PRRC2C: variants seen among roughly 807,000 people sequenced by gnomAD.
PRRC2C encodes the protein proline rich coiled-coil 2C, also known as protein PRRC2C.
A neutral mutation model predicts 317.2 loss-of-function variants in PRRC2C; 72 were observed. The ratio of observed to expected loss-of-function variants is 0.23; its 90% CI spans 0.19 to 0.28. PRRC2C has a LOEUF of 0.28. Ranked by LOEUF, PRRC2C falls within the 10% of genes least tolerant of loss-of-function variation. The pLI is 1.00. For synonymous variants in PRRC2C, 1,296 were observed against 1,205.9 expected (o/e 1.07, Z -1.55); for missense variants, 3,074 against 3,459.7 (o/e 0.89, Z 2.80).
At chr1:171,579,110 G>T (rs532570589) in intron 26 of PRRC2C, among the ~76,000 whole-genome samples, 1 of 152,214 alleles carries the variant, frequency 6.6e-6, no homozygotes, top group South Asian at 2.1e-4. Context: ...ATACCCCATT[G>T]GCGGTATATA....
Position 171,532,481 on chromosome 1 carries a change from C to T in PRRC2C, c.1393C>T (p.Arg465Cys). Reference protein sequence around the residue: ...SEISAAVERARKRREEEERRM... With the variant: ...SEISAAVERACKRREEEERRM... ...AATTTCTGCAGCAGTAGAACGTGCT[C>T]GTAAACGGCGTGAAGAGGAAGAGCG... The change falls in exon 12 of 35, where the codon CGT becomes TGT. Residue 465 changes from arginine (R) to cysteine (C), a missense_variant. Physicochemically the swap from Arg to Cys is radical, Grantham distance 180 (BLOSUM62 -3). Transcript: ENST00000647382. 2 of 1,612,600 alleles carry T rather than the reference C, an allele frequency of 1.2e-6. No homozygotes were observed. The highest frequency in any genetic ancestry group is 1.1e-5 in the South Asian group (1 of 90,752).
chr1:171,511,863 C>T, intron 1 of PRRC2C, 169 bp from the exon 2 acceptor site: 2 of 372,398 alleles, frequency 5.4e-6, no homozygotes, highest in South Asian at 6.4e-5. Flanking sequence ...TTCACAAGTG[C>T]ATGATAGCTT....
At position 171,540,233 on chromosome 1, in the gene PRRC2C, C is replaced by T. The variant is rs758574187; in HGVS notation, c.2767C>T (p.Arg923Trp). ...RISAVESQPS[R>W]KRSVSHGSNH... ...TTCAGCTGTAGAAAGTCAGCCTTCC[C>T]GGAAAAGAAGTGTTTCCCATGGATC... Residue 923 changes from arginine (R) to tryptophan (W), a missense_variant, in exon 16 of 35, where the codon CGG (arginine) becomes TGG (tryptophan). This residue lies in a region of PRRC2C where 1,320 missense variants were observed against 1,395.7 expected (regional missense o/e 0.95). Transcript: ENST00000647382. 7.4e-5 allele frequency: 119 copies of T among 1,613,690 alleles called. No individual in the cohort carries two copies. Among genetic ancestry groups the T allele is most frequent in the Non-Finnish European group, 9.2e-5 (108 of 1,179,872 alleles).
intron 12 of PRRC2C, among the ~76,000 whole-genome samples, chr1:171,533,621 G>A (rs1676267710): frequency 6.6e-6 from 1 of 152,042 alleles, no homozygotes; most frequent in Non-Finnish European, 1.5e-5. Context: ...TTGTTGTGGT[G>A]GTGGTGGTTG....
chr1:171,531,675 T>C (rs1675919439), intron 11 of PRRC2C, among the ~76,000 whole-genome samples: 7 of 152,342 alleles, frequency 4.6e-5, no homozygotes, highest in South Asian at 2.1e-4. Context: ...GTCATTGTTT[T>C]ATAACACATT....
At position 171,542,121 on chromosome 1, in the gene PRRC2C, A is replaced by C; in HGVS notation, c.4655A>C (p.Asp1552Ala). 6.2e-7 allele frequency: 1 copy of C among 1,613,536 alleles called. No homozygotes were observed. The highest frequency in any genetic ancestry group is 8.5e-7 in the Non-Finnish European group (1 of 1,179,672). ...KRSFSSQRPVDRQNRRGNNGP... is the reference protein window; with the variant it reads ...KRSFSSQRPVARQNRRGNNGP... ...AGTTTTTCTAGTCAGAGACCAGTAG[A>C]TCGTCAGAATCGACGTGGCAACAAT... Residue 1552 changes from aspartate to alanine, a missense_variant, in exon 16 of 35, where the codon GAT (aspartate) becomes GCT (alanine). Transcript: ENST00000647382.
intron 5 of PRRC2C, among the ~76,000 whole-genome samples, chr1:171,516,905 C>T (rs1672482954): frequency 6.6e-6 from 1 of 152,210 alleles, no homozygotes; most frequent in African/African-American, 2.4e-5. Context: ...CAGAAGCCCA[C>T]AGTCTTTAAT....
intron 34 of PRRC2C, 22 bp downstream of exon 34, chr1:171,589,627 A>C (rs1319178843): frequency 7.9e-7 from 1 of 1,272,354 alleles, no homozygotes; most frequent in South Asian, 1.2e-5. Flanking sequence ...GTTAACAGCC[A>C]ACAGATCAAG....
In PRRC2C at chr1:171,566,834, T is replaced by C. The variant is rs944916649; in HGVS notation, c.6549T>C (p.Thr2183=). The C allele has an allele frequency of 3.7e-6, 6 of 1,611,420 alleles. No individual in the cohort carries two copies. In the African/African-American group the frequency reaches 8.0e-5, roughly 22 times the overall value. The stretch of plus-strand genomic sequence containing the variant: ...CGGTATCATCTGCAGAATATGGTAC[T>C]AATGCAAAGGTAAGCCACATGTAGG... The part of the protein sequence containing the change: ...MISVSSAEYG[T]NAKESVTDYT... Residue 2183 remains threonine, a synonymous_variant, in exon 22 of 35, where the codon ACT becomes ACC. Transcript: ENST00000647382.
chr1:171,547,633 CTT>C (rs35480518), intron 17 of PRRC2C, among the ~76,000 whole-genome samples: 8 of 129,832 alleles, frequency 6.2e-5, no homozygotes, highest in Middle Eastern at 4.5e-3. Flanking sequence ...AGTTTCCCTT[CTT>C]TTTTTTTTTT....
At chr1:171,539,511 A>C (rs1030627697) in intron 15 of PRRC2C, among the ~76,000 whole-genome samples, 2 of 151,956 alleles carry the variant, frequency 1.3e-5, no homozygotes, top group African/African-American at 4.8e-5. Flanking sequence ...ACCTTTACCT[A>C]TATTTCCTAT....
chr1:171,502,793 G>T (rs962324267), intron 1 of PRRC2C, among the ~76,000 whole-genome samples: 4 of 152,140 alleles, frequency 2.6e-5, no homozygotes, highest in Non-Finnish European at 5.9e-5. Context: ...GCTCGATCTT[G>T]GCTCACTGCA....
At chr1:171,542,273 G>T in intron 16 of PRRC2C, 44 bp downstream of exon 16, 3 of 1,415,926 alleles carry the variant, frequency 2.1e-6, no homozygotes, top group Non-Finnish European at 2.8e-6. Context: ...CACCTTTAAA[G>T]AAGCTAAAAG....
At chr1:171,584,784 A>G (rs1649477547) in intron 30 of PRRC2C, among the ~76,000 whole-genome samples, 1 of 151,862 alleles carries the variant, frequency 6.6e-6, no homozygotes, top group Admixed American at 6.6e-5. Flanking sequence ...TTGTTGGTTT[A>G]GGGGGTTTTG....
chr1:171,491,513 C>A (rs1443865896), intron 1 of PRRC2C, among the ~76,000 whole-genome samples: 1 of 152,052 alleles, frequency 6.6e-6, no homozygotes, highest in East Asian at 1.9e-4. Context: ...ACATAAAGGC[C>A]CTATGGAGAG....
chr1:171,585,726 C>G (rs951695066), intron 30 of PRRC2C, among the ~76,000 whole-genome samples: 1 of 152,140 alleles, frequency 6.6e-6, no homozygotes, highest in African/African-American at 2.4e-5. Flanking sequence ...CTAATTCTTT[C>G]AGTTTCTATT....
chr1:171,563,051 A>G (rs927983062), intron 20 of PRRC2C, among the ~76,000 whole-genome samples: 7 of 152,186 alleles, frequency 4.6e-5, no homozygotes, highest in Non-Finnish European at 8.8e-5. Context: ...TAGGTGTTCA[A>G]TTGATAGAGT....
Position 171,542,130 on chromosome 1 carries a change from A to G in PRRC2C, c.4664A>G (p.Asn1555Ser). 1.2e-6 allele frequency: 2 copies of G among 1,613,256 alleles called. No individual in the cohort carries two copies. Among genetic ancestry groups the G allele is most frequent in the Non-Finnish European group, 1.7e-6 (2 of 1,179,546 alleles). ...AGTCAGAGACCAGTAGATCGTCAGAATCGACGTGGCAACAATGGTCCACCC... is the reference window on the plus strand; with the variant it reads ...AGTCAGAGACCAGTAGATCGTCAGAGTCGACGTGGCAACAATGGTCCACCC... ...FSSQRPVDRQ[N>S]RRGNNGPPKS... Residue 1555 changes from asparagine (N) to serine (S), a missense_variant, in exon 16 of 35, where the codon AAT becomes AGT. By Grantham distance (46) the Asn-to-Ser change is conservative (BLOSUM62 1). Around this residue, in one of 11 missense-constraint regions of PRRC2C, gnomAD observed 178 missense variants for 163.0 expected, o/e 1.09. Coordinates refer to ENST00000647382, the MANE Select transcript of PRRC2C (RefSeq NM_001387844.1).
intron 1 of PRRC2C, among the ~76,000 whole-genome samples, chr1:171,493,515 G>T (rs1667561457): frequency 6.6e-6 from 1 of 152,102 alleles, no homozygotes; most frequent in Non-Finnish European, 1.5e-5. Flanking sequence ...AATAAAGGTT[G>T]ACTAAGAAAT....
Sources: gnomAD v4.1 joint callset for allele counts (sites outside exome capture counted in the v4.1 genomes callset) on GRCh38, gnomAD v4.1.1 for gene constraint, gnomAD v4.1.1 regional missense constraint, MANE v1.5 for transcripts, NCBI Gene and HGNC (gene_info 2026-07-23, HGNC 2026-07-21) for gene names.